The following RNFT2 variants were observed in gnomAD, a reference collection of about 807,000 sequenced individuals.
RNFT2 encodes the protein ring finger protein, transmembrane 2.
RNFT2 carries 36 observed loss-of-function variants against 53.0 expected under a neutral mutation model. That is an observed-to-expected ratio of 0.68 (90% CI 0.52 to 0.90). The LOEUF (loss-of-function observed/expected upper bound fraction) is 0.90. Ranked by LOEUF, RNFT2 falls within the 40% of genes least tolerant of loss-of-function variation. RNFT2 has a pLI of 0.00. For synonymous variants in RNFT2, 260 were observed against 253.2 expected, an observed-to-expected ratio of 1.03 and a Z score of -0.26; for missense variants, 514 against 585.6, an observed-to-expected ratio of 0.88 and a Z score of 1.26.
At chr12:116,828,193 C>T (rs1013202449) in intron 7 of RNFT2, among the ~76,000 whole-genome samples, 5 of 152,314 alleles carry the variant, frequency 3.3e-5, no homozygotes, top group South Asian at 4.1e-4. Context: ...TACCTGCCCT[C>T]ATTTCTTCAC....
At chr12:116,800,633 CA>C (rs33936190) in intron 7 of RNFT2, among the ~76,000 whole-genome samples, 108,106 of 141,818 alleles carry the variant, frequency 0.76, 42,075 homozygotes, top group Non-Finnish European at 0.86. Context: ...GACTCTGTCT[CA>C]AAAAAAAAAA....
In RNFT2 at chr12:116,851,723, AGAGT is replaced by A; in HGVS notation, c.*2283_*2286del. 1 of 695,556 alleles carries A rather than the reference AGAGT, an allele frequency of 1.4e-6. No homozygotes were observed. The highest frequency in any genetic ancestry group is 1.5e-5 in the South Asian group (1 of 64,744). The allele number at this position is 695,556 out of a possible 1,614,324, so 43.1% of individuals were successfully genotyped here. On this transcript the variant is annotated 3_prime_UTR_variant, in exon 11 of 11. Coordinates refer to ENST00000257575, the MANE Select transcript of RNFT2 (RefSeq NM_001382266.1). The stretch of plus-strand genomic sequence containing the variant: ...ACCACAGCACTCCAACCTGGGTGAC[AGAGT>A]GAGTGAGACTCTGTCTAAAAAAAAA...
chr12:116,841,954 TATATAGAG>T (rs1877354541), intron 10 of RNFT2, among the ~76,000 whole-genome samples: 1 of 19,726 alleles, frequency 5.1e-5, no homozygotes, highest in African/African-American at 3.5e-4. Flanking sequence ...TATAAATATA[TATATAGAG>T]AGAGAGAGAG....
intron 7 of RNFT2, among the ~76,000 whole-genome samples, chr12:116,796,785 T>G (rs17582582): frequency 0.028 from 4,286 of 152,242 alleles, 157 homozygotes; most frequent in East Asian, 0.14. Context: ...AAGCCTCAGC[T>G]ATGGTTTTGG....
In RNFT2 at chr12:116,760,998, C is replaced by T. The variant is rs78452181; in HGVS notation, c.628-5816C>T. Among the ~76,000 whole-genome samples, 819 of 152,140 alleles carry T rather than the reference C, an allele frequency of 5.4e-3. 2 individuals carry two copies. Among genetic ancestry groups the T allele is most frequent in the African/African-American group, 0.018 (737 of 41,516 alleles). On this transcript the variant is annotated intron_variant, in intron 5 of 10. Coordinates refer to ENST00000257575, the MANE Select transcript of RNFT2 (RefSeq NM_001382266.1). ...GATTCAAGCAATCCTCTGACCTCAG[C>T]CTCCTAGGGAGGCCATTCTTCGGTC...
At chr12:116,809,359 G>T (rs1257345697) in intron 7 of RNFT2, among the ~76,000 whole-genome samples, 1 of 152,164 alleles carries the variant, frequency 6.6e-6, no homozygotes, top group African/African-American at 2.4e-5. Flanking sequence ...CCACTTCGTT[G>T]TGAGGTTTCG....
intron 7 of RNFT2, among the ~76,000 whole-genome samples, chr12:116,800,008 C>T (rs1410188118): frequency 3.9e-5 from 6 of 152,158 alleles, no homozygotes; most frequent in African/African-American, 1.2e-4. Context: ...AGTTCATGCA[C>T]GATCTGACTG....
rs1876930117 is a variant in RNFT2 at position 116,835,825 on chromosome 12, C to T, written c.1033-135C>T. ...CAACACTGTTGGGAAGGAAGAAGTG[C>T]AAATGAGAAGAGGAGCCCTAAAAAT... On this transcript the variant is annotated intron_variant, in intron 8 of 10. Transcript: ENST00000257575. The T allele has an allele frequency of 1.2e-5, 10 of 816,376 alleles. No individual in the cohort carries two copies. The South Asian group carries it at 1.6e-4, about 13-fold the overall frequency. The allele number at this position is 816,376 out of a possible 1,614,324, so 50.6% of individuals were successfully genotyped here.
intron 10 of RNFT2, among the ~76,000 whole-genome samples, chr12:116,843,177 G>A (rs1877438457): frequency 6.6e-6 from 1 of 152,064 alleles, no homozygotes; most frequent in Non-Finnish European, 1.5e-5. Context: ...TGCTTCGGGA[G>A]GCACGACCAG....
intron 7 of RNFT2, among the ~76,000 whole-genome samples, chr12:116,816,546 G>C (rs1175032727): frequency 2.0e-5 from 3 of 152,152 alleles, no homozygotes; most frequent in Admixed American, 1.3e-4. Context: ...ATCAGCTCTG[G>C]TTTTAATAGT....
intron 5 of RNFT2, among the ~76,000 whole-genome samples, chr12:116,763,875 T>C (rs1338404818): frequency 6.6e-6 from 1 of 151,926 alleles, no homozygotes; most frequent in Non-Finnish European, 1.5e-5. Context: ...GGAAAAGAAG[T>C]CATTATACGA....
chr12:116,782,142 G>A (rs7961400), intron 7 of RNFT2: 105,923 of 145,182 alleles, frequency 0.73, 40,797 homozygotes, highest in Non-Finnish European at 0.85. Context: ...AAACTGGAAC[G>A]ATACAGAGAT....
Position 116,852,594 on chromosome 12 carries a change from G to A in RNFT2, c.*3146G>A. ...CCCTACCCTGAGGAAAAACCAAAGG[G>A]AAGCAACAGGAACTTCTGCAACTGG... is the stretch of plus-strand genomic sequence containing the variant. On this transcript the variant is annotated 3_prime_UTR_variant, in exon 11 of 11. Coordinates refer to ENST00000257575, the MANE Select transcript of RNFT2 (RefSeq NM_001382266.1). The A allele has an allele frequency of 6.2e-7, 1 of 1,613,530 alleles. No individual in the cohort carries two copies. The highest frequency in any genetic ancestry group is 8.5e-7 in the Non-Finnish European group (1 of 1,179,590).
At chr12:116,756,082 T>G (rs1382967080) in intron 5 of RNFT2, among the ~76,000 whole-genome samples, 1 of 152,160 alleles carries the variant, frequency 6.6e-6, no homozygotes, top group Non-Finnish European at 1.5e-5. Flanking sequence ...TTGGAATTTT[T>G]TTTTTCTAAT....
rs558814664 is a variant in RNFT2, at chr12:116,777,329, A to G, written c.729-1866A>G. On this transcript the variant is annotated intron_variant, in intron 6 of 10. Coordinates refer to ENST00000257575, the MANE Select transcript of RNFT2 (RefSeq NM_001382266.1). Reference sequence around the variant, plus strand: ...CCTGCGTGACATCTAAAGCCAGGATATTTTAGCCACTATTACAAAGAACAT... The same window carrying G: ...CCTGCGTGACATCTAAAGCCAGGATGTTTTAGCCACTATTACAAAGAACAT... 7.2e-5 allele frequency among the ~76,000 whole-genome samples: 11 copies of G among 152,268 alleles called. No homozygotes were observed. The South Asian group carries it at 2.3e-3, about 32-fold the overall frequency.
At position 116,743,229 on chromosome 12, in the gene RNFT2, AAAAAAAAAAAAAAAAC is replaced by A. The variant is rs1444751641; in HGVS notation, c.83+2136_83+2151del. Among the ~76,000 whole-genome samples the A allele has an allele frequency of 1.9e-3, 228 of 121,290 alleles. 35 individuals carry two copies. Among genetic ancestry groups the A allele is most frequent in the Non-Finnish European group, 2.6e-3 (151 of 58,892 alleles). 79.6% of individuals were successfully genotyped at this position (121,290 alleles called of 152,430 possible). ...GGTAGAATCTAAAAAAAAAAAAAAAAAAAAAAAAAAAAAAACCGGTTAAAAAACACTCATGAGCTAG... is the reference window on the plus strand; with the variant it reads ...GGTAGAATCTAAAAAAAAAAAAAAAACGGTTAAAAAACACTCATGAGCTAG... On this transcript the variant is annotated intron_variant, in intron 3 of 10. Coordinates refer to ENST00000257575, the MANE Select transcript of RNFT2 (RefSeq NM_001382266.1).
Position 116,852,054 on chromosome 12 carries a change from T to A in RNFT2, c.*2606T>A, listed in dbSNP as rs1317605690. ...TCTGTGATCTCTATGACAGAGCCAC[T>A]TCTCCACCTCTGAAATGTTCCCTGC... is the stretch of plus-strand genomic sequence containing the variant. On this transcript the variant is annotated 3_prime_UTR_variant, in exon 11 of 11. Coordinates refer to ENST00000257575, the MANE Select transcript of RNFT2 (RefSeq NM_001382266.1). 17 of 1,157,110 alleles carry A rather than the reference T, an allele frequency of 1.5e-5. No homozygotes were observed. The highest frequency in any genetic ancestry group is 8.9e-5 in the Admixed American group (3 of 33,846). The allele number at this position is 1,157,110 out of a possible 1,614,324, so 71.7% of individuals were successfully genotyped here.
chr12:116,816,609 C>T (rs1875693959), intron 7 of RNFT2, among the ~76,000 whole-genome samples: 1 of 152,162 alleles, frequency 6.6e-6, no homozygotes, highest in Non-Finnish European at 1.5e-5. Flanking sequence ...TCTGTACAGA[C>T]ATCAGAGACC....
intron 6 of RNFT2, among the ~76,000 whole-genome samples, chr12:116,771,737 C>T (rs1196794914): frequency 6.6e-6 from 1 of 152,102 alleles, no homozygotes; most frequent in Non-Finnish European, 1.5e-5. Flanking sequence ...ACTCAGAGTT[C>T]TACGCAATGT....
Sources: allele counts gnomAD v4.1 joint callset (sites outside exome capture counted in the v4.1 genomes callset), GRCh38; gene constraint gnomAD v4.1.1; transcripts MANE v1.5; gene names NCBI Gene and HGNC (gene_info 2026-07-23, HGNC 2026-07-21).